Variants in FGF14 observed in about 807,000 individuals in gnomAD.
The protein encoded by FGF14 is fibroblast growth factor 14.
In FGF14, 5 loss-of-function variants were observed where a neutral mutation model predicts 25.5. The observed-to-expected ratio is 0.20, with a 90% confidence interval of 0.10 to 0.41. The LOEUF (loss-of-function observed/expected upper bound fraction) is 0.41, where lower values mean the gene tolerates loss of function less well. Among genes scored for constraint, FGF14 ranks in the 10% least tolerant of loss-of-function variants. The pLI is 1.00. For synonymous variants in FGF14, 138 were observed against 118.3 expected (o/e 1.17, Z -1.08); for missense variants, 222 against 320.1 (o/e 0.69, Z 2.34).
rs1034717897 is a variant in FGF14, at chr13:101,722,012, G to GTGATA, written c.*814_*818dup. The GTGATA allele has an allele frequency of 2.6e-5, 4 of 152,042 alleles. No homozygotes were observed. The highest frequency in any genetic ancestry group is 2.6e-4 in the Admixed American group (4 of 15,228). 9.4% of individuals were successfully genotyped at this position (152,042 alleles called of 1,614,324 possible). Reference sequence around the variant, plus strand: ...AAATGTTACCATTACCAGTAAGCTTGTGATATGTATAAAACACACACACAC... The same window carrying GTGATA: ...AAATGTTACCATTACCAGTAAGCTTGTGATATGATATGTATAAAACACACACACAC... On this transcript the variant is annotated 3_prime_UTR_variant, in exon 5 of 5. Transcript: ENST00000376143.
At chr13:101,844,959 G>T (rs2043375157) in intron 3 of FGF14, among the ~76,000 whole-genome samples, 1 of 151,974 alleles carries the variant, frequency 6.6e-6, no homozygotes, top group Admixed American at 6.6e-5. Context: ...TTTCATTTCA[G>T]CTGACTGTCT....
At chr13:102,036,668 G>GAGGAGAAGA (rs985945182) in intron 1 of FGF14, among the ~76,000 whole-genome samples, 4 of 151,988 alleles carry the variant, frequency 2.6e-5, no homozygotes, top group African/African-American at 9.7e-5. Flanking sequence ...ACAGAAGGAG[G>GAGGAGAAGA]AGGAGAAGAA....
intron 3 of FGF14, among the ~76,000 whole-genome samples, chr13:101,771,242 CATTCT>C (rs2038751654): frequency 6.6e-6 from 1 of 152,054 alleles, no homozygotes; most frequent in Non-Finnish European, 1.5e-5. Flanking sequence ...AGTGTGGTAG[CATTCT>C]ATCTCTACAT....
chr13:101,715,572 T>C lies in FGF14; in HGVS notation c.*7259A>G, dbSNP rs1325514389. On this transcript the variant is annotated 3_prime_UTR_variant, in exon 5 of 5. Coordinates refer to ENST00000376143, the MANE Select transcript of FGF14 (RefSeq NM_004115.4). ...ATGTATTTTATTGCAGGGAATGGAA[T>C]ATGTAGCTGTGGAAACTGTGAATGC... is the stretch of plus-strand genomic sequence containing the variant. The C allele has an allele frequency of 6.2e-7, 1 of 1,611,316 alleles. No homozygotes were observed. The highest frequency in any genetic ancestry group is 8.5e-7 in the Non-Finnish European group (1 of 1,177,510).
intron 1 of FGF14, among the ~76,000 whole-genome samples, chr13:101,938,645 T>C (rs1161217684): frequency 6.6e-6 from 1 of 152,210 alleles, no homozygotes; most frequent in African/African-American, 2.4e-5. Context: ...AAATGTATCC[T>C]CTTGGATCTC....
At chr13:102,077,826 T>G (rs1300671173) in intron 1 of FGF14, among the ~76,000 whole-genome samples, 3 of 152,134 alleles carry the variant, frequency 2.0e-5, no homozygotes, top group Non-Finnish European at 4.4e-5. Flanking sequence ...TCAAAGAGAT[T>G]TCTGCTCTTC....
At chr13:101,833,962 A>G (rs2042801092) in intron 3 of FGF14, among the ~76,000 whole-genome samples, 1 of 152,128 alleles carries the variant, frequency 6.6e-6, no homozygotes, top group South Asian at 2.1e-4. Flanking sequence ...CTACACAAAC[A>G]AGATCATAAT....
intron 1 of FGF14, among the ~76,000 whole-genome samples, chr13:102,308,296 C>A (rs1167312761): frequency 1.3e-5 from 2 of 152,194 alleles, no homozygotes; most frequent in African/African-American, 4.8e-5. Context: ...CACGTTCCCA[C>A]TTTTTACATT....
At chr13:101,820,986 C>T (rs1006262680) in intron 3 of FGF14, among the ~76,000 whole-genome samples, 3 of 148,178 alleles carry the variant, frequency 2.0e-5, no homozygotes, top group African/African-American at 2.5e-5. Context: ...GTCTCGCTGT[C>T]GCCCAGGCTG....
chr13:101,869,904 G>A (rs1383304917), intron 2 of FGF14, among the ~76,000 whole-genome samples: 2 of 152,068 alleles, frequency 1.3e-5, no homozygotes, highest in African/African-American at 4.8e-5. Flanking sequence ...AATTCTCAGG[G>A]ACATGTTTCC....
Position 102,059,836 on chromosome 13 carries a change from G to A in FGF14, c.209-184540C>T, listed in dbSNP as rs192378177. 4.6e-3 allele frequency among the ~76,000 whole-genome samples: 702 copies of A among 151,136 alleles called. 10 individuals carry two copies. The highest frequency in any genetic ancestry group is 0.016 in the African/African-American group (654 of 40,956). On this transcript the variant is annotated intron_variant, in intron 1 of 4. Coordinates refer to the FGF14 transcript ENST00000376131. ...ATTGCACTCCAGCCTGGGTGACAGA[G>A]CGAGACTCCATCTCAAAAAAACAAA... is the stretch of plus-strand genomic sequence containing the variant.
chr13:101,861,019 T>C (rs1418050357), intron 3 of FGF14, among the ~76,000 whole-genome samples: 1 of 152,156 alleles, frequency 6.6e-6, no homozygotes. Context: ...TCTATATACT[T>C]ATGAATCAAA....
intron 1 of FGF14, among the ~76,000 whole-genome samples, chr13:101,980,014 A>G (rs1006419618): frequency 1.3e-5 from 2 of 152,206 alleles, no homozygotes; most frequent in Admixed American, 1.3e-4. Flanking sequence ...AACCAATACC[A>G]TTTTTAAGCA....
At chr13:101,768,991 C>A (rs1338263143) in intron 3 of FGF14, among the ~76,000 whole-genome samples, 1 of 152,098 alleles carries the variant, frequency 6.6e-6, no homozygotes, top group Non-Finnish European at 1.5e-5. Flanking sequence ...TTAAAAATTT[C>A]TGCTTTGCAA....
intron 1 of FGF14, among the ~76,000 whole-genome samples, chr13:102,070,320 C>T (rs1311544635): frequency 1.3e-5 from 2 of 152,138 alleles, no homozygotes; most frequent in Non-Finnish European, 2.9e-5. Context: ...CAAATCAAAA[C>T]TACAATGAGA....
At chr13:101,818,464 A>G (rs759071903) in intron 3 of FGF14, among the ~76,000 whole-genome samples, 1 of 152,176 alleles carries the variant, frequency 6.6e-6, no homozygotes, top group Non-Finnish European at 1.5e-5. Context: ...ATAATTGTGA[A>G]AGACCATTGA....
intron 1 of FGF14, among the ~76,000 whole-genome samples, chr13:101,968,400 G>A (rs552903212): frequency 8.5e-5 from 13 of 152,224 alleles, no homozygotes; most frequent in East Asian, 3.9e-4. Context: ...TAGGCTGGGC[G>A]TGGTGGCTCA....
chr13:102,332,127 A>C (rs918839199), intron 1 of FGF14, among the ~76,000 whole-genome samples: 2 of 152,162 alleles, frequency 1.3e-5, no homozygotes, highest in Non-Finnish European at 2.9e-5. Flanking sequence ...AGTAGGGTTA[A>C]GAGCATGTTA....
At chr13:102,062,079 A>G (rs956437813) in intron 1 of FGF14, among the ~76,000 whole-genome samples, 12 of 152,236 alleles carry the variant, frequency 7.9e-5, no homozygotes, top group African/African-American at 2.9e-4. Flanking sequence ...GCAATAGGCA[A>G]TTGGATAACA....
Sources: gnomAD v4.1 joint callset for allele counts (sites outside exome capture counted in the v4.1 genomes callset) on GRCh38, gnomAD v4.1.1 for gene constraint, MANE v1.5 for transcripts, NCBI Gene and HGNC (gene_info 2026-07-23, HGNC 2026-07-21) for gene names.